The following SYN3 variants were observed in gnomAD, a reference collection of about 807,000 sequenced individuals.
SYN3 encodes the protein synapsin III, also known as synapsin-3.
Under a neutral mutation model 65.8 loss-of-function variants are expected in SYN3, and 35 were observed. The observed-to-expected ratio is 0.53, with a 90% CI of 0.41 to 0.70. The LOEUF is 0.70. Ranked by LOEUF, SYN3 falls within the 30% of genes least tolerant of loss-of-function variation. SYN3 has a pLI of 0.00. For missense variants in SYN3, 680 were observed against 749.0 expected, an observed-to-expected ratio of 0.91 and a Z score of 1.08; for synonymous variants, 270 against 292.9, an observed-to-expected ratio of 0.92 and a Z score of 0.80.
At chr22:32,833,818 G>A (rs11703156) in intron 6 of SYN3, 55,705 of 501,200 alleles carry the variant, frequency 0.11, 3,577 homozygotes, top group African/African-American at 0.2. Context: ...AGGCTCAAAT[G>A]GGAAAATCCA....
chr22:32,594,211 A>G (rs2059166191), intron 7 of SYN3, among the ~76,000 whole-genome samples: 1 of 152,044 alleles, frequency 6.6e-6, no homozygotes, highest in African/African-American at 2.4e-5. Context: ...CCAAGCAAGA[A>G]GTGGGGCAGG....
intron 7 of SYN3, among the ~76,000 whole-genome samples, chr22:32,552,986 G>A (rs1439402469): frequency 6.6e-6 from 1 of 152,202 alleles, no homozygotes; most frequent in Non-Finnish European, 1.5e-5. Flanking sequence ...TCAGGTTCTG[G>A]TGAGGCGCTC....
At chr22:32,723,382 G>C (rs2061146299) in intron 6 of SYN3, among the ~76,000 whole-genome samples, 1 of 152,186 alleles carries the variant, frequency 6.6e-6, no homozygotes. Context: ...ACATGTGTTG[G>C]CTACTACTGT....
At chr22:32,833,902 T>C (rs879364553) in intron 6 of SYN3, 3 of 498,226 alleles carry the variant, frequency 6.0e-6, no homozygotes, top group Admixed American at 3.9e-5. Context: ...CTAATAATAG[T>C]ATTAGAATTA....
chr22:32,618,291 T>G, intron 6 of SYN3, among the ~76,000 whole-genome samples: 1 of 151,632 alleles, frequency 6.6e-6, no homozygotes, highest in Non-Finnish European at 1.5e-5. Flanking sequence ...GCGAGGAGGG[T>G]TCAGGTCTCC....
intron 12 of SYN3, among the ~76,000 whole-genome samples, chr22:32,524,610 T>C (rs1444625157): frequency 6.6e-6 from 1 of 152,244 alleles, no homozygotes; most frequent in Non-Finnish European, 1.5e-5. Context: ...ACAATAGTTC[T>C]GATGGAGATG....
intron 3 of SYN3, among the ~76,000 whole-genome samples, chr22:32,961,951 G>T (rs1475538691): frequency 6.6e-6 from 1 of 152,058 alleles, no homozygotes; most frequent in African/African-American, 2.4e-5. Context: ...CAGGTAACAG[G>T]AGGCAAAGCC....
At chr22:32,984,187 AAAAAG>A (rs1457682520) in intron 2 of SYN3, among the ~76,000 whole-genome samples, 2 of 128,564 alleles carry the variant, frequency 1.6e-5, no homozygotes, top group African/African-American at 3.1e-5. Context: ...AAAGAAAAAG[AAAAAG>A]AAAAGAAAAA....
At chr22:32,872,561 T>C (rs1299765739) in intron 4 of SYN3, among the ~76,000 whole-genome samples, 1 of 152,204 alleles carries the variant, frequency 6.6e-6, no homozygotes, top group Non-Finnish European at 1.5e-5. Context: ...ATGCACAATA[T>C]ATCAGGCCAA....
intron 6 of SYN3, among the ~76,000 whole-genome samples, chr22:32,751,734 C>T (rs1380912104): frequency 1.3e-5 from 2 of 152,118 alleles, no homozygotes; most frequent in African/African-American, 2.4e-5. Context: ...CTCTCAGAGC[C>T]GTTGAGGAAA....
chr22:32,781,983 C>T (rs1347090899), intron 6 of SYN3, among the ~76,000 whole-genome samples: 1 of 152,014 alleles, frequency 6.6e-6, no homozygotes, highest in African/African-American at 2.4e-5. Flanking sequence ...TTTCTATCTT[C>T]TCAGAAGGTT....
chr22:32,877,066 C>T (rs56279649), intron 4 of SYN3, among the ~76,000 whole-genome samples: 1 of 152,190 alleles, frequency 6.6e-6, no homozygotes, highest in African/African-American at 2.4e-5. Flanking sequence ...CATTGCTATG[C>T]CTGATGGACA....
chr22:32,901,541 C>T (rs747767859), intron 4 of SYN3, among the ~76,000 whole-genome samples: 1 of 152,174 alleles, frequency 6.6e-6, no homozygotes, highest in Non-Finnish European at 1.5e-5. Context: ...CTTGGAGCTC[C>T]TCTCATAATG....
chr22:33,054,168 T>C (rs2054217830), intron 1 of SYN3, among the ~76,000 whole-genome samples: 1 of 152,158 alleles, frequency 6.6e-6, no homozygotes, highest in Admixed American at 6.5e-5. Flanking sequence ...CTCGAACTCA[T>C]CCATTTTATT....
intron 1 of SYN3, among the ~76,000 whole-genome samples, chr22:33,008,287 A>C (rs1432618833): frequency 6.6e-6 from 1 of 152,182 alleles, no homozygotes; most frequent in Non-Finnish European, 1.5e-5. Context: ...CACAGTTCTT[A>C]GGTATACACT....
chr22:32,521,447 T>TC (rs2057880009), intron 12 of SYN3, among the ~76,000 whole-genome samples: 1 of 149,060 alleles, frequency 6.7e-6, no homozygotes, highest in Admixed American at 6.7e-5. Context: ...TCTTGATTTT[T>TC]TTTTTTTTTT....
At position 32,963,080 on chromosome 22, in the gene SYN3, C is replaced by CTT. The variant is rs34940764; in HGVS notation, c.369+17563_369+17564dup. Among the ~76,000 whole-genome samples the CTT allele has an allele frequency of 1.1e-4, 16 of 140,386 alleles. No homozygotes were observed. The East Asian group carries it at 1.9e-3, about 16-fold the overall frequency. 92.1% of individuals were successfully genotyped at this position (140,386 alleles called of 152,430 possible). ...TCTCTATTATTGACATTACAAAATA[C>CTT]TTTTTTTTTTTTTTGAGACACAGTC... On this transcript the variant is annotated intron_variant, in intron 3 of 13. Transcript: ENST00000358763.
intron 6 of SYN3, among the ~76,000 whole-genome samples, chr22:32,720,888 C>G (rs2089318827): frequency 6.6e-6 from 1 of 152,188 alleles, no homozygotes; most frequent in Non-Finnish European, 1.5e-5. Flanking sequence ...GGACATTGCT[C>G]TTGCCTCTAC....
intron 7 of SYN3, among the ~76,000 whole-genome samples, chr22:32,572,335 C>CCCTT (rs1354676406): frequency 2.7e-5 from 3 of 109,876 alleles, no homozygotes; most frequent in African/African-American, 3.8e-5. Context: ...TTCCGTCCCT[C>CCCTT]CCTTCCTTCC....
Sources: allele counts gnomAD v4.1 joint callset (sites outside exome capture counted in the v4.1 genomes callset), GRCh38; gene constraint gnomAD v4.1.1; transcripts MANE v1.5; gene names NCBI Gene and HGNC (gene_info 2026-07-23, HGNC 2026-07-21).